Variants in PPM1B observed in about 807,000 individuals in gnomAD.
The protein encoded by PPM1B is protein phosphatase, Mg2+/Mn2+ dependent 1B, also known as protein phosphatase 1B.
In PPM1B, 22 loss-of-function variants were observed where a neutral mutation model predicts 43.0. That is an observed-to-expected ratio of 0.51 (90% CI 0.37 to 0.73). The LOEUF (loss-of-function observed/expected upper bound fraction) is 0.73, where lower values mean the gene tolerates loss of function less well. PPM1B is among the 30% of genes least tolerant of loss of function. The pLI is 0.00. For synonymous variants in PPM1B, 217 were observed against 197.9 expected (o/e 1.10, Z -0.81); for missense variants, 632 against 584.2 (o/e 1.08, Z -0.84).
intron 3 of PPM1B, among the ~76,000 whole-genome samples, chr2:44,211,136 G>A (rs899654176): frequency 6.6e-6 from 1 of 151,734 alleles, no homozygotes; most frequent in Non-Finnish European, 1.5e-5. Context: ...ACTCCATCTC[G>A]GGAAAAAAAA....
In PPM1B at chr2:44,231,413, G is replaced by T; in HGVS notation, c.*695G>T. On this transcript the variant is annotated 3_prime_UTR_variant, in exon 6 of 6. Coordinates refer to ENST00000282412, the MANE Select transcript of PPM1B (RefSeq NM_002706.6). ...ACATCAAAATGTATGTCAACCAAGT[G>T]TTTAGAATGAAATTATAAGTGTTTA... 1.0e-6 allele frequency: 1 copy of T among 974,700 alleles called. No individual in the cohort carries two copies. The highest frequency in any genetic ancestry group is 1.2e-6 in the Non-Finnish European group (1 of 820,274). The allele number at this position is 974,700 out of a possible 1,614,324, so 60.4% of individuals were successfully genotyped here.
At position 44,201,218 on chromosome 2, in the gene PPM1B, A is replaced by G. The variant is rs572815745; in HGVS notation, c.19A>G (p.Lys7Glu). MGAFLDKPKTEKHNAHG... is the reference protein window; with the variant it reads MGAFLDEPKTEKHNAHG... ...GCTAAACATGGGTGCATTTTTGGAT[A>G]AACCCAAAACTGAAAAACATAATGC... The change falls in exon 2 of 6, where the codon AAA (lysine) becomes GAA (glutamate). Residue 7 changes from lysine (K) to glutamate (E), a missense_variant. Physicochemically the swap from Lys to Glu is moderately conservative, Grantham distance 56 (BLOSUM62 1). Coordinates refer to ENST00000282412, the MANE Select transcript of PPM1B (RefSeq NM_002706.6). The surrounding 1 kb of genome is among the most constrained non-coding windows in gnomAD (Gnocchi z 5.4). 1 of 1,585,914 alleles carries G rather than the reference A, an allele frequency of 6.3e-7. No individual in the cohort carries two copies. The highest frequency in any genetic ancestry group is 1.3e-5 in the African/African-American group (1 of 74,076).
rs1670272889 is a variant in PPM1B at position 44,227,532 on chromosome 2, T to TTG, written c.1135-2880_1135-2879insGT. Among the ~76,000 whole-genome samples the TTG allele has an allele frequency of 2.6e-5, 4 of 151,762 alleles. No individual in the cohort carries two copies. The South Asian group carries it at 8.4e-4, about 32-fold the overall frequency. Reference sequence around the variant, plus strand: ...CACAGTATCATCTTTTTTTTTTTTTTTTGGAGATGGAGTCTTGCTCTGTCG... The same window carrying TTG: ...CACAGTATCATCTTTTTTTTTTTTTTTGTTGGAGATGGAGTCTTGCTCTGTCG... On this transcript the variant is annotated intron_variant, in intron 5 of 5. Coordinates refer to ENST00000282412, the MANE Select transcript of PPM1B (RefSeq NM_002706.6).
intron 1 of PPM1B, among the ~76,000 whole-genome samples, chr2:44,190,484 T>C (rs1265092547): frequency 6.6e-6 from 1 of 152,206 alleles, no homozygotes; most frequent in Non-Finnish European, 1.5e-5. Context: ...TGAGAAAATA[T>C]TGAAACTTAC....
intron 1 of PPM1B, among the ~76,000 whole-genome samples, chr2:44,180,318 T>C (rs1414247572): frequency 6.6e-6 from 1 of 152,174 alleles, no homozygotes; most frequent in Non-Finnish European, 1.5e-5. Context: ...AGACTGACTT[T>C]GGGAGTTGGG....
chr2:44,177,181 A>G (rs1572681729), intron 1 of PPM1B, among the ~76,000 whole-genome samples: 1 of 152,342 alleles, frequency 6.6e-6, no homozygotes, highest in Admixed American at 6.5e-5. Flanking sequence ...TAGTACTGTA[A>G]TTCAGACCAG....
At chr2:44,178,004 C>A (rs1402669030) in intron 1 of PPM1B, among the ~76,000 whole-genome samples, 1 of 150,740 alleles carries the variant, frequency 6.6e-6, no homozygotes, top group Non-Finnish European at 1.5e-5. Context: ...TGCAGCCTTG[C>A]CCTCCCAGGC....
chr2:44,235,713 T>G (rs948384048), downstream of PPM1B, among the ~76,000 whole-genome samples: 1 of 149,224 alleles, frequency 6.7e-6, no homozygotes, highest in African/African-American at 2.5e-5. Context: ...CTGGACAACA[T>G]AGCAAGACCT....
chr2:44,179,902 A>G (rs146788607), intron 1 of PPM1B, among the ~76,000 whole-genome samples: 4,489 of 151,128 alleles, frequency 0.03, 220 homozygotes, highest in African/African-American at 0.1. Context: ...CCAGCTACTC[A>G]GGAGGCTGAG....
At chr2:44,205,507 C>G (rs1186244462) in intron 2 of PPM1B, among the ~76,000 whole-genome samples, 1 of 152,080 alleles carries the variant, frequency 6.6e-6, no homozygotes, top group Non-Finnish European at 1.5e-5. Flanking sequence ...GATGTTTCTG[C>G]TTTCCAGTCT....
chr2:44,217,974 G>A lies in PPM1B; in HGVS notation c.972G>A (p.Met324Ile), dbSNP rs1669800567. ...TTTTTAAAAAACCTACAGAGATTAT[G>A]GAGAAGTCTGGCGAGGAAGGAATGC... is the stretch of plus-strand genomic sequence containing the variant. ...KHLESRVEEIMEKSGEEGMPD... is the reference protein window; with the variant it reads ...KHLESRVEEIIEKSGEEGMPD... The change falls in exon 4 of 6, where the codon ATG becomes ATA. Residue 324 changes from methionine (M) to isoleucine (I), a missense_variant. Coordinates refer to ENST00000282412, the MANE Select transcript of PPM1B (RefSeq NM_002706.6). 1 of 1,597,120 alleles carries A rather than the reference G, an allele frequency of 6.3e-7. No individual in the cohort carries two copies. Among genetic ancestry groups the A allele is most frequent in the Non-Finnish European group, 8.5e-7 (1 of 1,174,044 alleles).
intron 1 of PPM1B, among the ~76,000 whole-genome samples, chr2:44,199,322 A>T (rs1407396256): frequency 9.2e-5 from 9 of 98,356 alleles, no homozygotes; most frequent in African/African-American, 2.2e-4. Context: ...AAAAAATAAA[A>T]ATAAAAAAAA....
At chr2:44,245,564 C>G (rs898586935), downstream of PPM1B, among the ~76,000 whole-genome samples, 1 of 152,174 alleles carries the variant, frequency 6.6e-6, no homozygotes, top group African/African-American at 2.4e-5. Context: ...CCTGATTATT[C>G]TTCCTGTTCT....
chr2:44,244,820 G>GATAGAT (rs1553339292), downstream of PPM1B, among the ~76,000 whole-genome samples: 2 of 129,914 alleles, frequency 1.5e-5, no homozygotes, highest in African/African-American at 5.9e-5. Flanking sequence ...AATTACTTGA[G>GATAGAT]ATATATATAT....
At chr2:44,177,485 C>G (rs1019703717) in intron 1 of PPM1B, among the ~76,000 whole-genome samples, 14 of 136,000 alleles carry the variant, frequency 1.0e-4, no homozygotes, top group African/African-American at 2.2e-4. Flanking sequence ...GTGGCATGAT[C>G]TCGGCTCACT....
chr2:44,181,882 A>G (rs951171105), intron 1 of PPM1B, among the ~76,000 whole-genome samples: 1 of 152,206 alleles, frequency 6.6e-6, no homozygotes, highest in African/African-American at 2.4e-5. Context: ...TTTGGGTTGA[A>G]GGTTAATTAT....
chr2:44,228,820 C>A (rs1426490832), intron 5 of PPM1B, among the ~76,000 whole-genome samples: 1 of 151,828 alleles, frequency 6.6e-6, no homozygotes, highest in Non-Finnish European at 1.5e-5. Flanking sequence ...TTTGACTGAA[C>A]CCTTTGAGAG....
intron 3 of PPM1B, among the ~76,000 whole-genome samples, chr2:44,213,013 CAAAAAAAAA>C (rs57091283): frequency 1.5e-5 from 1 of 65,330 alleles, no homozygotes; most frequent in Non-Finnish European, 3.4e-5. Context: ...ACTCCGTTTC[CAAAAAAAAA>C]AAAAAAAAAA....
intron 1 of PPM1B, among the ~76,000 whole-genome samples, chr2:44,169,976 T>A (rs1006190009): frequency 4.6e-5 from 7 of 152,220 alleles, no homozygotes; most frequent in Non-Finnish European, 8.8e-5. Flanking sequence ...ATGTGGTAAA[T>A]CAGTTTTTCA....
Sources: gnomAD v4.1 joint callset for allele counts (sites outside exome capture counted in the v4.1 genomes callset) on GRCh38, gnomAD v4.1.1 for gene constraint, Gnocchi (gnomAD v3.1) non-coding constraint, MANE v1.5 for transcripts, NCBI Gene and HGNC (gene_info 2026-07-23, HGNC 2026-07-21) for gene names.